KCNQ3: variants seen among roughly 807,000 people sequenced by gnomAD.
KCNQ3 encodes potassium voltage-gated channel subfamily KQT member 3.
A neutral mutation model predicts 92.5 loss-of-function variants in KCNQ3; 30 were observed. That is an observed-to-expected ratio of 0.32 (90% CI 0.24 to 0.44). The LOEUF (loss-of-function observed/expected upper bound fraction) is 0.44, where lower values mean the gene tolerates loss of function less well. Ranked by LOEUF, KCNQ3 falls within the 20% of genes least tolerant of loss-of-function variation. The pLI, the probability that KCNQ3 is intolerant of heterozygous loss-of-function variation, is 1.00. For synonymous variants in KCNQ3, 450 were observed against 468.8 expected, an observed-to-expected ratio of 0.96 and a Z score of 0.52; for missense variants, 913 against 1,140.3, an observed-to-expected ratio of 0.80 and a Z score of 2.87.
At chr8:132,473,182 A>G (rs1031430447) in intron 1 of KCNQ3, among the ~76,000 whole-genome samples, 1 of 152,194 alleles carries the variant, frequency 6.6e-6, no homozygotes, top group Non-Finnish European at 1.5e-5. Flanking sequence ...AAAGGTGAGG[A>G]CTGATTGAGA....
intron 9 of KCNQ3, among the ~76,000 whole-genome samples, chr8:132,145,794 A>C (rs1864773): frequency 6.6e-6 from 1 of 152,140 alleles, no homozygotes; most frequent in African/African-American, 2.4e-5. Context: ...ATCTTGAGTA[A>C]ATGGGAAGAT....
At chr8:132,209,788 G>A (rs1455627988) in intron 1 of KCNQ3, among the ~76,000 whole-genome samples, 1 of 152,136 alleles carries the variant, frequency 6.6e-6, no homozygotes, top group Non-Finnish European at 1.5e-5. Flanking sequence ...GCTAGGCCAA[G>A]CTATGATGTT....
In KCNQ3 at chr8:132,130,014, C is replaced by T; in HGVS notation, c.1885-18G>A. 6.2e-7 allele frequency: 1 copy of T among 1,611,484 alleles called. No individual in the cohort carries two copies. Among genetic ancestry groups the T allele is most frequent in the South Asian group, 1.1e-5 (1 of 90,990 alleles). On this transcript the variant is annotated intron_variant, in intron 14 of 14. Transcript: ENST00000388996. ...TCCTGAACCTGGAAAATCAAAGGAG[C>T]TGTGAATTACCACTTTCTCTGAGGG...
At chr8:132,208,739 T>C (rs1813752280) in intron 1 of KCNQ3, among the ~76,000 whole-genome samples, 4 of 152,144 alleles carry the variant, frequency 2.6e-5, no homozygotes, top group Admixed American at 2.6e-4. Flanking sequence ...GTCTAATCAA[T>C]AGACTTCTAA....
chr8:132,470,297 T>C (rs1822269511), intron 1 of KCNQ3, among the ~76,000 whole-genome samples: 1 of 152,234 alleles, frequency 6.6e-6, no homozygotes, highest in Admixed American at 6.5e-5. Flanking sequence ...TTGAGTCTTC[T>C]TCTTTTTAAA....
At chr8:132,329,775 A>C (rs1242242645) in intron 1 of KCNQ3, among the ~76,000 whole-genome samples, 1 of 152,194 alleles carries the variant, frequency 6.6e-6, no homozygotes, top group African/African-American at 2.4e-5. Context: ...CAAACAAAGC[A>C]GCTTGATTAT....
At chr8:132,442,917 C>T (rs2130840080) in intron 1 of KCNQ3, among the ~76,000 whole-genome samples, 1 of 152,288 alleles carries the variant, frequency 6.6e-6, no homozygotes, top group South Asian at 2.1e-4. Flanking sequence ...AGCCCCTTCT[C>T]CCTATGCAAC....
At position 132,333,733 on chromosome 8, in the gene KCNQ3, CA is replaced by C. The variant is rs986545173; in HGVS notation, c.386+146413del. 4.5e-5 allele frequency among the ~76,000 whole-genome samples: 6 copies of C among 132,046 alleles called. No homozygotes were observed. In the South Asian group the frequency reaches 7.7e-4, roughly 17 times the overall value. 86.6% of individuals were successfully genotyped at this position (132,046 alleles called of 152,430 possible). A position where few individuals can be genotyped will look rare whatever the true frequency, so the allele number is the denominator to read the frequency against. On this transcript the variant is annotated intron_variant, in intron 1 of 14. Transcript: ENST00000388996. ...ATGTTACTGTGAACTCTTTATGAAA[CA>C]AATTTTTTTTTTTTTTTGAGACTGA...
At chr8:132,218,535 C>CT (rs888931825) in intron 1 of KCNQ3, among the ~76,000 whole-genome samples, 9 of 152,074 alleles carry the variant, frequency 5.9e-5, no homozygotes, top group Non-Finnish European at 1.2e-4. Context: ...GAGAATAAGG[C>CT]TTTTTTTATA....
chr8:132,271,471 T>G (rs55961250), intron 1 of KCNQ3, among the ~76,000 whole-genome samples: 16,451 of 152,246 alleles, frequency 0.11, 992 homozygotes, highest in South Asian at 0.16. Flanking sequence ...CAACCCAGCT[T>G]GTTTCCATAG....
At chr8:132,362,194 C>T (rs1290179803) in intron 1 of KCNQ3, among the ~76,000 whole-genome samples, 1 of 151,878 alleles carries the variant, frequency 6.6e-6, no homozygotes, top group Non-Finnish European at 1.5e-5. Context: ...TCAAAAGAGA[C>T]CAGTATTAAT....
At chr8:132,322,199 A>G (rs1355678356) in intron 1 of KCNQ3, among the ~76,000 whole-genome samples, 1 of 152,182 alleles carries the variant, frequency 6.6e-6, no homozygotes. Context: ...AGGCCAATTA[A>G]CCAGTTTGAA....
At chr8:132,379,987 T>C (rs1265328430) in intron 1 of KCNQ3, among the ~76,000 whole-genome samples, 1 of 151,874 alleles carries the variant, frequency 6.6e-6, no homozygotes, top group Non-Finnish European at 1.5e-5. Context: ...GTGATGATAA[T>C]AGTAATTACC....
chr8:132,262,553 CA>C (rs1276674303), intron 1 of KCNQ3, among the ~76,000 whole-genome samples: 1 of 150,988 alleles, frequency 6.6e-6, no homozygotes, highest in Non-Finnish European at 1.5e-5. Context: ...AAAGGCATCA[CA>C]GTTAGTGGAA....
At chr8:132,172,497 T>A in intron 7 of KCNQ3, 101 bp downstream of exon 7, 2 of 1,057,064 alleles carry the variant, frequency 1.9e-6, no homozygotes, top group South Asian at 2.5e-5. Flanking sequence ...CATGAGTATG[T>A]CCCCTCCACA....
chr8:132,213,809 C>G (rs1417983465), intron 1 of KCNQ3, among the ~76,000 whole-genome samples: 1 of 152,190 alleles, frequency 6.6e-6, no homozygotes, highest in Non-Finnish European at 1.5e-5. Context: ...TCACGGGGCT[C>G]TAATGGGAAC....
intron 1 of KCNQ3, among the ~76,000 whole-genome samples, chr8:132,309,043 G>C (rs1817516729): frequency 6.6e-6 from 1 of 152,124 alleles, no homozygotes; most frequent in Non-Finnish European, 1.5e-5. Flanking sequence ...CCTCAATCTG[G>C]GTGGGCACCA....
chr8:132,366,671 G>T (rs150616520), intron 1 of KCNQ3, among the ~76,000 whole-genome samples: 1 of 152,200 alleles, frequency 6.6e-6, no homozygotes, highest in Admixed American at 6.5e-5. Context: ...AAATCTTCAA[G>T]AAATCTATAT....
In KCNQ3 at chr8:132,189,907, A is replaced by AAAAAAAG. The variant is rs1480816124; in HGVS notation, c.387-3727_387-3726insCTTTTTT. ...AATGACCAAAAAAAAAAAAAAAAAA[A>AAAAAAAG]AGAGAGAGAGAGAGAGAAGAGGATA... On this transcript the variant is annotated intron_variant, in intron 1 of 14. Coordinates refer to ENST00000388996, the MANE Select transcript of KCNQ3 (RefSeq NM_004519.4). Among the ~76,000 whole-genome samples, 208 of 132,166 alleles carry AAAAAAAG rather than the reference A, an allele frequency of 1.6e-3. 1 individual carries two copies. The highest frequency in any genetic ancestry group is 6.7e-3 in the African/African-American group (193 of 28,720). The allele number at this position is 132,166 out of a possible 152,430, so 86.7% of individuals were successfully genotyped here. A position where few individuals can be genotyped will look rare whatever the true frequency, so the allele number is the denominator to read the frequency against.
Sources: allele counts gnomAD v4.1 joint callset (sites outside exome capture counted in the v4.1 genomes callset), GRCh38; gene constraint gnomAD v4.1.1; transcripts MANE v1.5; gene names NCBI Gene and HGNC (gene_info 2026-07-23, HGNC 2026-07-21).